The following ZNF587B variants were observed in gnomAD, a reference collection of about 807,000 sequenced individuals.
ZNF587B encodes zinc finger protein 587B.
In ZNF587B, 6 loss-of-function variants were observed where a neutral mutation model predicts 7.2. That is an observed-to-expected ratio of 0.83 (90% confidence interval 0.46 to 1.65). ZNF587B has a LOEUF of 1.65. ZNF587B is among the 40% of genes most tolerant of loss of function. The pLI is 0.01. For synonymous variants in ZNF587B, 274 were observed against 254.3 expected (o/e 1.08, Z -0.74); for missense variants, 749 against 761.0 (o/e 0.98, Z 0.19).
intron 1 of ZNF587B, among the ~76,000 whole-genome samples, chr19:57,835,175 AG>A (rs199706363): frequency 0.29 from 23,720 of 81,422 alleles, 410 homozygotes; most frequent in African/African-American, 0.43. Flanking sequence ...TTAAGGGAGG[AG>A]GAAGGAAGAC....
At position 57,845,196 on chromosome 19, in the gene ZNF587B, A is replaced by G. The variant is rs1322276013; in HGVS notation, c.*2620A>G. On this transcript the variant is annotated 3_prime_UTR_variant, in exon 3 of 3. Coordinates refer to ENST00000594901, the MANE Select transcript of ZNF587B (RefSeq NM_001376223.1). Reference sequence around the variant, plus strand: ...CACCGTGTTGCACAGACTGGTCTTGAATTCAACTCTTGAGCTCAGGTGATC... The same window carrying G: ...CACCGTGTTGCACAGACTGGTCTTGGATTCAACTCTTGAGCTCAGGTGATC... The G allele has an allele frequency of 1.3e-5, 2 of 152,118 alleles. No individual in the cohort carries two copies. Among genetic ancestry groups the G allele is most frequent in the Non-Finnish European group, 2.9e-5 (2 of 68,042 alleles). 9.4% of individuals were successfully genotyped at this position (152,118 alleles called of 1,614,324 possible).
chr19:57,841,714 T>C lies in ZNF587B; in HGVS notation c.1040T>C (p.Ile347Thr), dbSNP rs1221050218. 2 of 1,607,768 alleles carry C rather than the reference T, an allele frequency of 1.2e-6. No individual in the cohort carries two copies. Among genetic ancestry groups the C allele is most frequent in the South Asian group, 2.2e-5 (2 of 90,488 alleles). Residue 347 changes from isoleucine (I) to threonine (T), a missense_variant, in exon 3 of 3, where the codon ATT becomes ACT. By Grantham distance (89) the Ile-to-Thr change is moderately conservative. Coordinates refer to ENST00000594901, the MANE Select transcript of ZNF587B (RefSeq NM_001376223.1). ...GTGAACCTTAAGAGTCATCAGCGCA[T>C]TCACACTGGAGAGAGACCTTACAAG... The part of the protein sequence containing the change: ...SNVNLKSHQR[I>T]HTGERPYKCG...
chr19:57,841,853 A>G lies in ZNF587B; in HGVS notation c.1179A>G (p.Ser393=). The G allele has an allele frequency of 6.2e-7, 1 of 1,612,784 alleles. No individual in the cohort carries two copies. The highest frequency in any genetic ancestry group is 8.5e-7 in the Non-Finnish European group (1 of 1,179,520). ...KCGECGKSYI[S]KGHLRIHQRM... is the part of the protein sequence containing the mutation. ...GAGAATGTGGGAAATCTTATATTTC[A>G]AAGGGGCACCTTAGGATCCATCAGC... is the stretch of plus-strand genomic sequence containing the variant. Residue 393 remains serine (S), a synonymous_variant, in exon 3 of 3, where the codon TCA becomes TCG. Coordinates refer to ENST00000594901, the MANE Select transcript of ZNF587B (RefSeq NM_001376223.1).
In ZNF587B at chr19:57,844,997, G is replaced by C. The variant is rs1183537897; in HGVS notation, c.*2421G>C. 6.7e-6 allele frequency: 1 copy of C among 149,128 alleles called. No individual in the cohort carries two copies. The highest frequency in any genetic ancestry group is 2.5e-5 in the African/African-American group (1 of 40,456). The allele number at this position is 149,128 out of a possible 1,614,324, so 9.2% of individuals were successfully genotyped here. On this transcript the variant is annotated 3_prime_UTR_variant, in exon 3 of 3. Transcript: ENST00000594901. ...AAATATATCTTTTTTTTTTTTTTGA[G>C]ACACAGTCTCACTCTGTCACCCAGG...
At chr19:57,840,237 T>G (rs968118672) in intron 2 of ZNF587B, among the ~76,000 whole-genome samples, 11 of 152,130 alleles carry the variant, frequency 7.2e-5, no homozygotes, top group African/African-American at 2.7e-4. Flanking sequence ...TTCTTCCTCA[T>G]TCTTGAGAAC....
chr19:57,840,075 CAAA>C (rs774635301), intron 2 of ZNF587B, among the ~76,000 whole-genome samples: 28 of 81,074 alleles, frequency 3.5e-4, no homozygotes, highest in Non-Finnish European at 5.3e-4. Flanking sequence ...ACTCTGTCTC[CAAA>C]AAAAAAAAAA....
chr19:57,835,663 C>T (rs542998798), intron 1 of ZNF587B, among the ~76,000 whole-genome samples: 1 of 143,226 alleles, frequency 7.0e-6, no homozygotes, highest in African/African-American at 2.7e-5. Context: ...TGCCTGGCAA[C>T]CCTAGGGGTT....
chr19:57,842,356 C>T lies in ZNF587B; in HGVS notation c.1682C>T (p.Ala561Val). Residue 561 changes from alanine (A) to valine (V), a missense_variant, in exon 3 of 3, where the codon GCA becomes GTA. Transcript: ENST00000594901. ...ECSECGKSFA[A>V]SSYLTSHRRV... ...AGTGAATGTGGGAAATCTTTTGCTG[C>T]AAGCTCCTATCTCACTAGTCACAGG... The T allele has an allele frequency of 1.2e-6, 2 of 1,604,066 alleles. No individual in the cohort carries two copies. The highest frequency in any genetic ancestry group is 1.7e-5 in the Admixed American group (1 of 58,918).
intron 2 of ZNF587B, among the ~76,000 whole-genome samples, chr19:57,839,713 C>A (rs1382139388): frequency 6.6e-6 from 1 of 151,900 alleles, no homozygotes; most frequent in Non-Finnish European, 1.5e-5. Flanking sequence ...GAGGCACAGT[C>A]CTCCATTTGA....
intron 1 of ZNF587B, 24 bp downstream of exon 1, chr19:57,830,588 C>G: frequency 1.3e-6 from 2 of 1,549,318 alleles, no homozygotes; most frequent in Middle Eastern, 1.7e-4. Flanking sequence ...CTTCCATGCC[C>G]TCAGGTCACC....
rs969195569 is a variant in ZNF587B at position 57,830,419 on chromosome 19, G to T, written c.-110G>T. ...TGCACAGAGGCGACTCTGGAGCTCT[G>T]TGACGGCGCCAAGCGTGACCCACCC... On this transcript the variant is annotated 5_prime_UTR_variant, in exon 1 of 3. Coordinates refer to ENST00000594901, the MANE Select transcript of ZNF587B (RefSeq NM_001376223.1). 2.5e-6 allele frequency: 3 copies of T among 1,218,276 alleles called. No homozygotes were observed. In the African/African-American group the frequency reaches 4.5e-5, roughly 18 times the overall value. The allele number at this position is 1,218,276 out of a possible 1,614,324, so 75.5% of individuals were successfully genotyped here.
chr19:57,831,045 G>A (rs1988366144), intron 1 of ZNF587B, among the ~76,000 whole-genome samples: 2 of 152,162 alleles, frequency 1.3e-5, no homozygotes, highest in East Asian at 3.9e-4. Flanking sequence ...GATAGATGGG[G>A]GGCTTTGGGC....
At chr19:57,831,948 C>T (rs766279643) in intron 1 of ZNF587B, among the ~76,000 whole-genome samples, 9 of 151,924 alleles carry the variant, frequency 5.9e-5, no homozygotes, top group African/African-American at 1.9e-4. Context: ...TCAGGCAATA[C>T]GCTCGCCTCG....
In ZNF587B at chr19:57,843,497, T is replaced by C; in HGVS notation, c.*921T>C. 1.0e-6 allele frequency: 1 copy of C among 985,292 alleles called. No individual in the cohort carries two copies. Among genetic ancestry groups the C allele is most frequent in the Non-Finnish European group, 1.2e-6 (1 of 829,896 alleles). 61.0% of individuals were successfully genotyped at this position (985,292 alleles called of 1,614,324 possible). On this transcript the variant is annotated 3_prime_UTR_variant, in exon 3 of 3. Coordinates refer to ENST00000594901, the MANE Select transcript of ZNF587B (RefSeq NM_001376223.1). ...TACCCACATTGCATCATTCACCTAT[T>C]TCGTATTCTAGAAGTATATTTTGGT... is the stretch of plus-strand genomic sequence containing the variant.
intron 2 of ZNF587B, among the ~76,000 whole-genome samples, chr19:57,840,075 C>CAAAAAAAAAAAAAAAAAAAAAAAAAAAAA (rs774635301): frequency 1.2e-5 from 1 of 81,074 alleles, no homozygotes; most frequent in African/African-American, 4.5e-5. Flanking sequence ...ACTCTGTCTC[C>CAAAAAAAAAAAAAAAAAAAAAAAAAAAAA]AAAAAAAAAA....
intron 2 of ZNF587B, among the ~76,000 whole-genome samples, 168 bp from the exon 3 acceptor site, chr19:57,840,670 T>C (rs1241306029): frequency 1.3e-5 from 2 of 152,150 alleles, no homozygotes; most frequent in African/African-American, 2.4e-5. Flanking sequence ...TCTGTGACCG[T>C]TATAGTCCAG....
In ZNF587B at chr19:57,831,470, G is replaced by T. The variant is rs183689966; in HGVS notation, c.36+906G>T. Among the ~76,000 whole-genome samples, 693 of 152,218 alleles carry T rather than the reference G, an allele frequency of 4.6e-3. 11 individuals are homozygous for T. The highest frequency in any genetic ancestry group is 0.015 in the African/African-American group (635 of 41,552). ...TGCAATGGCGTGATCTCGGCTCACC[G>T]CAATCTCCGCCTCCTGGGTTCAAGC... On this transcript the variant is annotated intron_variant, in intron 1 of 2. Transcript: ENST00000594901.
chr19:57,830,698 G>C, intron 1 of ZNF587B, 134 bp downstream of exon 1: 1 of 1,033,718 alleles, frequency 9.7e-7, no homozygotes, highest in Non-Finnish European at 1.4e-6. Flanking sequence ...GTGACTGTCA[G>C]GACAGCCCTT....
At chr19:57,832,405 A>C (rs1211037881) in intron 1 of ZNF587B, among the ~76,000 whole-genome samples, 2 of 152,152 alleles carry the variant, frequency 1.3e-5, no homozygotes, top group Admixed American at 1.3e-4. Context: ...AATTATTTTA[A>C]TTTCTTTGCT....
Sources: allele counts gnomAD v4.1 joint callset (sites outside exome capture counted in the v4.1 genomes callset), GRCh38; gene constraint gnomAD v4.1.1; transcripts MANE v1.5; gene names NCBI Gene and HGNC (gene_info 2026-07-23, HGNC 2026-07-21).